LY75: variants seen among roughly 807,000 people sequenced by gnomAD.
LY75 encodes C-type lectin domain family 13 member B.
LY75 carries 185 observed loss-of-function variants against 231.7 expected under a neutral mutation model. That is an observed-to-expected ratio of 0.80 (90% confidence interval 0.71 to 0.90). The LOEUF (loss-of-function observed/expected upper bound fraction) is 0.90. Among genes scored for constraint, LY75 ranks in the 40% least tolerant of loss-of-function variants. The pLI is 0.00. For synonymous variants in LY75, 668 were observed against 689.0 expected, an observed-to-expected ratio of 0.97 and a Z score of 0.48; for missense variants, 1,947 against 2,050.2, an observed-to-expected ratio of 0.95 and a Z score of 0.97.
chr2:159,850,194 T>C, intron 22 of LY75, 54 bp from the exon 23 acceptor site: 1 of 1,547,672 alleles, frequency 6.5e-7, no homozygotes, highest in Non-Finnish European at 8.7e-7. Flanking sequence ...TAAAGATACA[T>C]TAAAAATGTC....
intron 31 of LY75, among the ~76,000 whole-genome samples, chr2:159,813,078 G>A (rs1574520448): frequency 6.6e-6 from 1 of 152,122 alleles, no homozygotes; most frequent in Non-Finnish European, 1.5e-5. Flanking sequence ...GGACACTTGG[G>A]TTGCTTTCAT....
chr2:159,850,506 C>T, intron 21 of LY75, 39 bp from the exon 22 acceptor site: 1 of 1,610,444 alleles, frequency 6.2e-7, no homozygotes, highest in Non-Finnish European at 8.5e-7. Flanking sequence ...AGATTCCAGA[C>T]ACAGGAACGC....
At chr2:159,811,810 T>C (rs1440791841) in intron 31 of LY75, among the ~76,000 whole-genome samples, 2 of 152,212 alleles carry the variant, frequency 1.3e-5, no homozygotes, top group African/African-American at 4.8e-5. Context: ...TTCTTCTCAC[T>C]AACACACCAA....
Position 159,890,254 on chromosome 2 carries a change from A to T in LY75, c.761T>A (p.Leu254Ter), listed in dbSNP as rs750292295. 1 of 1,613,542 alleles carries T rather than the reference A, an allele frequency of 6.2e-7. No individual in the cohort carries two copies. Among genetic ancestry groups the T allele is most frequent in the South Asian group, 1.1e-5 (1 of 91,070 alleles). ...YVSCQNQGADLLSINSAAELT... is the reference protein window; with the variant it reads ...YVSCQNQGAD ...TTCAGCAGCACTGTTGATGCTCAGT[A>T]AATCAGCTCCTTGATTCTGACATGA... is the stretch of plus-strand genomic sequence containing the variant. The change falls in exon 4 of 35, where the codon TTA (leucine) becomes TAA (stop). Residue 254 changes from leucine (L) to a stop codon, truncating the protein, a stop_gained. Coordinates refer to ENST00000263636, the MANE Select transcript of LY75 (RefSeq NM_002349.4). LOFTEE classifies it high-confidence loss of function.
intron 8 of LY75, among the ~76,000 whole-genome samples, chr2:159,880,687 C>A (rs1303520165): frequency 6.6e-6 from 1 of 152,208 alleles, no homozygotes; most frequent in Non-Finnish European, 1.5e-5. Flanking sequence ...TTGTTGCCAA[C>A]CTTTGACACC....
chr2:159,895,848 C>T (rs10179614), intron 2 of LY75, among the ~76,000 whole-genome samples: 4,327 of 152,300 alleles, frequency 0.028, 167 homozygotes, highest in African/African-American at 0.093. Context: ...AGCTAAATTA[C>T]GCTAACTATT....
In LY75 at chr2:159,898,986, T is replaced by G; in HGVS notation, c.168A>C (p.Ala56=). The G allele has an allele frequency of 6.2e-7, 1 of 1,614,284 alleles. No individual in the cohort carries two copies. The highest frequency in any genetic ancestry group is 8.5e-7 in the Non-Finnish European group (1 of 1,180,052). Residue 56 remains alanine, a synonymous_variant, in exon 2 of 35, where the codon GCA becomes GCC. Transcript: ENST00000263636. ...TGTCCTCAGTTTCATCACAGTCGTC[T>G]GCTACTATCCAGCCATACACTGGCT... ...CIKPVYGWIV[A]DDCDETEDKL... is the part of the protein sequence containing the mutation.
intron 23 of LY75, among the ~76,000 whole-genome samples, chr2:159,848,890 C>T (rs12477395): frequency 1.3e-4 from 20 of 152,046 alleles, no homozygotes; most frequent in Admixed American, 7.9e-4. Context: ...TAGAAGAGAA[C>T]GAACATATCA....
Position 159,819,078 on chromosome 2 carries a change from C to T in LY75, c.4153+648G>A, listed in dbSNP as rs368707913. On this transcript the variant is annotated intron_variant, in intron 29 of 34. Transcript: ENST00000263636. Reference sequence around the variant, plus strand: ...AATCCCTGGAGGTTGCTGGTGGACACGGTCTTGGGAAGTGACTGCGGCGCT... The same window carrying T: ...AATCCCTGGAGGTTGCTGGTGGACATGGTCTTGGGAAGTGACTGCGGCGCT... Among the ~76,000 whole-genome samples, 8 of 152,264 alleles carry T rather than the reference C, an allele frequency of 5.3e-5. No homozygotes were observed. In the East Asian group the frequency reaches 5.8e-4, roughly 11 times the overall value.
chr2:159,822,458 C>T (rs1683327525), intron 28 of LY75, among the ~76,000 whole-genome samples: 1 of 152,228 alleles, frequency 6.6e-6, no homozygotes, highest in South Asian at 2.1e-4. Context: ...TGCAGCTCAG[C>T]AAGGTTGCTG....
intron 31 of LY75, among the ~76,000 whole-genome samples, chr2:159,812,601 C>T (rs986527636): frequency 2.0e-5 from 3 of 152,054 alleles, no homozygotes; most frequent in African/African-American, 4.8e-5. Context: ...TTTGTAGAGA[C>T]GGAGTCTTAC....
rs906589897 is a variant in LY75, at chr2:159,803,539, A to G, written c.*1505T>C. The G allele has an allele frequency of 5.9e-5, 9 of 152,224 alleles. No individual in the cohort carries two copies. The highest frequency in any genetic ancestry group is 1.2e-4 in the Non-Finnish European group (8 of 68,044). 9.4% of individuals were successfully genotyped at this position (152,224 alleles called of 1,614,324 possible). On this transcript the variant is annotated 3_prime_UTR_variant, in exon 35 of 35. Coordinates refer to ENST00000263636, the MANE Select transcript of LY75 (RefSeq NM_002349.4). Reference sequence around the variant, plus strand: ...TAAGAAATCAGGACAACTGTAGACTATATAAAAACTGTCTTAGAAAATTAT... The same window carrying G: ...TAAGAAATCAGGACAACTGTAGACTGTATAAAAACTGTCTTAGAAAATTAT...
At chr2:159,846,219 A>G (rs1241087903) in intron 23 of LY75, among the ~76,000 whole-genome samples, 7,195 of 151,802 alleles carry the variant, frequency 0.047, 514 homozygotes, top group African/African-American at 0.16. Flanking sequence ...AGAAAGGGGA[A>G]AAAAAAAACA....
At chr2:159,810,412 T>C (rs567748168) in intron 32 of LY75, 114 bp downstream of exon 32, 155 of 1,400,710 alleles carry the variant, frequency 1.1e-4, no homozygotes, top group Non-Finnish European at 1.4e-4. Context: ...CTATTAGAAA[T>C]GGAAAGTGCT....
At chr2:159,875,991 C>A (rs13415705) in intron 11 of LY75, among the ~76,000 whole-genome samples, 4,118 of 152,148 alleles carry the variant, frequency 0.027, 158 homozygotes, top group African/African-American at 0.089. Flanking sequence ...ACCCTAAATA[C>A]TACTGCTGCT....
At chr2:159,837,407 CAT>C (rs1683865344) in intron 25 of LY75, among the ~76,000 whole-genome samples, 1 of 152,184 alleles carries the variant, frequency 6.6e-6, no homozygotes, top group Admixed American at 6.5e-5. Flanking sequence ...CCAAATACCA[CAT>C]GTTCTCACTT....
intron 1 of LY75, chr2:159,902,417 C>A (rs1331371709): frequency 6.6e-6 from 1 of 152,168 alleles, no homozygotes; most frequent in East Asian, 1.9e-4. Flanking sequence ...AAAGGCAAAT[C>A]ATCTCTTTCA....
chr2:159,866,684 C>T (rs902134188), intron 13 of LY75, among the ~76,000 whole-genome samples: 5 of 152,134 alleles, frequency 3.3e-5, no homozygotes, highest in Non-Finnish European at 5.9e-5. Flanking sequence ...AGCCAGACGG[C>T]TAAAATAGAG....
In LY75 at chr2:159,904,666, G is replaced by A. The variant is rs542966991; in HGVS notation, c.17C>T (p.Ala6Val). The change falls in exon 1 of 35, where the codon GCG (alanine) becomes GTG (valine). Residue 6 changes from alanine to valine, a missense_variant. Physicochemically the swap from Ala to Val is moderately conservative, Grantham distance 64 (BLOSUM62 0). Transcript: ENST00000263636. Reference sequence around the variant, plus strand: ...GAGCCCCGCCGGGCGGCGAGGGGTCGCCCAGCCTGTCCTCATCCTGAGCTG... The same window carrying A: ...GAGCCCCGCCGGGCGGCGAGGGGTCACCCAGCCTGTCCTCATCCTGAGCTG... The part of the protein sequence containing the change: MRTGW[A>V]TPRRPAGLLM... 14 of 1,484,670 alleles carry A rather than the reference G, an allele frequency of 9.4e-6. No individual in the cohort carries two copies. In the East Asian group the frequency reaches 1.5e-4, roughly 15 times the overall value. 92.0% of individuals were successfully genotyped at this position (1,484,670 alleles called of 1,614,324 possible).
Sources: allele counts gnomAD v4.1 joint callset (sites outside exome capture counted in the v4.1 genomes callset), GRCh38; gene constraint gnomAD v4.1.1; transcripts MANE v1.5; gene names NCBI Gene and HGNC (gene_info 2026-07-23, HGNC 2026-07-21).